The following MAGI2 variants were observed in gnomAD, a reference collection of about 807,000 sequenced individuals.
The protein encoded by MAGI2 is membrane associated guanylate kinase, WW and PDZ domain containing 2.
A neutral mutation model predicts 133.3 loss-of-function variants in MAGI2; 35 were observed. The ratio of observed to expected loss-of-function variants is 0.26; its 90% CI spans 0.20 to 0.35. MAGI2 has a LOEUF of 0.35. Ranked by LOEUF, MAGI2 falls within the 10% of genes least tolerant of loss-of-function variation. MAGI2 has a pLI of 1.00. For missense variants in MAGI2, 1,636 were observed against 1,863.4 expected, an observed-to-expected ratio of 0.88 and a Z score of 2.25; for synonymous variants, 729 against 710.6, an observed-to-expected ratio of 1.03 and a Z score of -0.41.
chr7:78,415,266 C>T (rs531291606), intron 6 of MAGI2, among the ~76,000 whole-genome samples: 1 of 152,012 alleles, frequency 6.6e-6, no homozygotes, highest in Non-Finnish European at 1.5e-5. Context: ...TTCTCATTGA[C>T]CTTAATTACA....
chr7:78,752,427 AC>A (rs1487368770), intron 2 of MAGI2, among the ~76,000 whole-genome samples: 2 of 152,104 alleles, frequency 1.3e-5, no homozygotes, highest in East Asian at 3.9e-4. Context: ...ACAAGGTGAA[AC>A]CCCGTCACTA....
At chr7:79,130,875 A>G (rs1820875153) in intron 1 of MAGI2, among the ~76,000 whole-genome samples, 2 of 152,306 alleles carry the variant, frequency 1.3e-5, no homozygotes, top group South Asian at 4.1e-4. Flanking sequence ...TGGATTATGG[A>G]ACACTAGTCT....
chr7:78,175,777 G>T lies in MAGI2; in HGVS notation c.2403+2234C>A, dbSNP rs78878411. 5.6e-3 allele frequency among the ~76,000 whole-genome samples: 858 copies of T among 152,212 alleles called. 10 individuals carry two copies. The highest frequency in any genetic ancestry group is 0.019 in the African/African-American group (798 of 41,538). On this transcript the variant is annotated intron_variant, in intron 14 of 21. Coordinates refer to ENST00000354212, the MANE Select transcript of MAGI2 (RefSeq NM_012301.4). ...TTAACCTCGAGTTTGGCTCACTCTG[G>T]ATAATGACACGTTTTTCAATTATGG...
intron 10 of MAGI2, among the ~76,000 whole-genome samples, chr7:78,242,677 T>G (rs1218551009): frequency 1.3e-5 from 2 of 152,356 alleles, no homozygotes; most frequent in East Asian, 3.9e-4. Context: ...GTTTCTATAT[T>G]AGATCTTTAT....
chr7:78,403,638 T>C (rs185643457), intron 6 of MAGI2, among the ~76,000 whole-genome samples: 61 of 152,214 alleles, frequency 4.0e-4, no homozygotes, highest in Middle Eastern at 3.4e-3. Flanking sequence ...TGTTCCTATT[T>C]CTCCACATCC....
chr7:79,090,167 T>A (rs1816926841), intron 1 of MAGI2, among the ~76,000 whole-genome samples: 5 of 152,032 alleles, frequency 3.3e-5, no homozygotes, highest in Admixed American at 3.3e-4. Flanking sequence ...CTATTCAGTA[T>A]TTTGTCTATT....
intron 1 of MAGI2, among the ~76,000 whole-genome samples, chr7:79,266,264 CCT>C: frequency 7.1e-6 from 1 of 140,466 alleles, no homozygotes; most frequent in Non-Finnish European, 1.6e-5. Context: ...CCCCCACCCT[CCT>C]CTCTGATCAC....
intron 1 of MAGI2, among the ~76,000 whole-genome samples, chr7:79,346,747 C>T (rs1328321837): frequency 6.6e-6 from 1 of 151,866 alleles, no homozygotes; most frequent in Non-Finnish European, 1.5e-5. Flanking sequence ...TTCCTATGGC[C>T]GGGATCCCAT....
At chr7:78,424,502 A>G (rs1799102388) in intron 6 of MAGI2, among the ~76,000 whole-genome samples, 2 of 152,136 alleles carry the variant, frequency 1.3e-5, no homozygotes, top group Admixed American at 6.5e-5. Context: ...GAGCAGTGAA[A>G]AAAGGGTCAC....
intron 16 of MAGI2, among the ~76,000 whole-genome samples, chr7:78,144,211 C>A (rs951852758): frequency 1.3e-5 from 2 of 152,098 alleles, no homozygotes; most frequent in African/African-American, 4.8e-5. Context: ...AAATTCTAGT[C>A]TCTTGCCCTA....
intron 6 of MAGI2, among the ~76,000 whole-genome samples, chr7:78,419,578 C>A (rs927000812): frequency 2.7e-4 from 39 of 144,362 alleles, no homozygotes; most frequent in African/African-American, 9.8e-4. Context: ...TTCCCTGAGA[C>A]TGAGTCTGGG....
At chr7:78,735,448 C>T (rs1414357883) in intron 2 of MAGI2, among the ~76,000 whole-genome samples, 1 of 152,166 alleles carries the variant, frequency 6.6e-6, no homozygotes, top group Non-Finnish European at 1.5e-5. Context: ...TCAAATATTT[C>T]ATGCAATACT....
intron 1 of MAGI2, among the ~76,000 whole-genome samples, chr7:79,131,863 T>C (rs1398472988): frequency 1.3e-5 from 2 of 152,168 alleles, no homozygotes; most frequent in East Asian, 3.8e-4. Context: ...ATTTGAATGA[T>C]AGCCGTACCC....
intron 2 of MAGI2, among the ~76,000 whole-genome samples, chr7:78,653,750 C>G (rs1811830740): frequency 6.8e-6 from 1 of 147,226 alleles, no homozygotes; most frequent in South Asian, 2.2e-4. Context: ...TGTTCTGCAC[C>G]TGTATCTCAG....
chr7:79,214,512 T>G (rs1325156326), intron 1 of MAGI2, among the ~76,000 whole-genome samples: 1 of 129,144 alleles, frequency 7.7e-6, no homozygotes, highest in Non-Finnish European at 1.6e-5. Context: ...AAGATAAAAG[T>G]CATACAGTAC....
In MAGI2 at chr7:78,169,342, T is replaced by C. The variant is rs575204010; in HGVS notation, c.2404-1234A>G. ...GCAGTGGTTACCATTAGCCTGATGATACTACAGAGGCTATGTTTCATTTTA... is the reference window on the plus strand; with the variant it reads ...GCAGTGGTTACCATTAGCCTGATGACACTACAGAGGCTATGTTTCATTTTA... On this transcript the variant is annotated intron_variant, in intron 14 of 21. Coordinates refer to ENST00000354212, the MANE Select transcript of MAGI2 (RefSeq NM_012301.4). 1.8e-4 allele frequency among the ~76,000 whole-genome samples: 27 copies of C among 152,364 alleles called. 1 individual carries two copies. The highest frequency in any genetic ancestry group is 3.2e-4 in the Non-Finnish European group (22 of 68,038).
At chr7:78,804,844 G>T (rs1049235007) in intron 2 of MAGI2, among the ~76,000 whole-genome samples, 2 of 151,020 alleles carry the variant, frequency 1.3e-5, no homozygotes, top group African/African-American at 2.4e-5. Flanking sequence ...GAGGCGGGTG[G>T]ATCACCTAAG....
intron 2 of MAGI2, among the ~76,000 whole-genome samples, chr7:78,989,847 C>G (rs1481325168): frequency 6.6e-6 from 1 of 150,658 alleles, no homozygotes; most frequent in African/African-American, 2.5e-5. Flanking sequence ...AACAACTCAG[C>G]TGCTGTTGCC....
intron 14 of MAGI2, among the ~76,000 whole-genome samples, 188 bp downstream of exon 14, chr7:78,177,823 G>A (rs527543840): frequency 1.2e-4 from 19 of 152,190 alleles, no homozygotes; most frequent in East Asian, 5.8e-4. Flanking sequence ...GATATTTGTC[G>A]TGGAGATAAC....
Sources: gnomAD v4.1 joint callset for allele counts (sites outside exome capture counted in the v4.1 genomes callset) on GRCh38, gnomAD v4.1.1 for gene constraint, MANE v1.5 for transcripts, NCBI Gene and HGNC (gene_info 2026-07-23, HGNC 2026-07-21) for gene names.